Variants in DNMBP observed in about 807,000 individuals in gnomAD.
The protein encoded by DNMBP is dynamin binding protein.
In DNMBP, 87 loss-of-function variants were observed where a neutral mutation model predicts 150.0. The observed-to-expected ratio is 0.58, with a 90% CI of 0.49 to 0.69. The LOEUF is 0.69. Among genes scored for constraint, DNMBP ranks in the 30% least tolerant of loss-of-function variants. The pLI, the probability that DNMBP is intolerant of heterozygous loss-of-function variation, is 0.00. For synonymous variants in DNMBP, 711 were observed against 750.4 expected, an observed-to-expected ratio of 0.95 and a Z score of 0.86; for missense variants, 1,774 against 1,949.0, an observed-to-expected ratio of 0.91 and a Z score of 1.69.
intron 4 of DNMBP, among the ~76,000 whole-genome samples, chr10:99,954,969 C>G (rs2040466918): frequency 6.6e-6 from 1 of 150,852 alleles, no homozygotes; most frequent in South Asian, 2.1e-4. Flanking sequence ...AGGAGAATCA[C>G]TTGAGCCCAG....
intron 4 of DNMBP, among the ~76,000 whole-genome samples, chr10:99,923,809 TC>T: frequency 6.6e-6 from 1 of 152,306 alleles, no homozygotes; most frequent in African/African-American, 2.4e-5. Context: ...TCTTTAAGTT[TC>T]AGCCAAGTTC....
intron 13 of DNMBP, 44 bp downstream of exon 13, chr10:99,886,256 A>T: frequency 6.6e-7 from 1 of 1,505,074 alleles, no homozygotes; most frequent in Non-Finnish European, 9.1e-7. Context: ...AATACCAGGC[A>T]AAGGCTATAG....
intron 4 of DNMBP, among the ~76,000 whole-genome samples, chr10:99,936,627 A>G (rs930137073): frequency 6.7e-6 from 1 of 149,944 alleles, no homozygotes; most frequent in African/African-American, 2.5e-5. Flanking sequence ...ATTTTCCCTC[A>G]CAACTTATTT....
intron 1 of DNMBP, among the ~76,000 whole-genome samples, chr10:99,989,216 G>A (rs1230279229): frequency 1.3e-5 from 2 of 152,226 alleles, no homozygotes; most frequent in Admixed American, 6.5e-5. Flanking sequence ...ATCATGCAGT[G>A]CCTCCCACTA....
At chr10:99,994,378 G>A (rs946297739) in intron 1 of DNMBP, among the ~76,000 whole-genome samples, 3 of 152,194 alleles carry the variant, frequency 2.0e-5, no homozygotes, top group Admixed American at 1.3e-4. Context: ...TCAGCAATGA[G>A]AACAGTGATG....
intron 1 of DNMBP, among the ~76,000 whole-genome samples, chr10:99,986,673 G>C (rs149385719): frequency 6.8e-6 from 1 of 147,756 alleles, no homozygotes; most frequent in Non-Finnish European, 1.5e-5. Context: ...GAAGAAAACG[G>C]ACAACAAACG....
At chr10:99,905,397 G>C (rs1372576126) in intron 6 of DNMBP, among the ~76,000 whole-genome samples, 1 of 152,138 alleles carries the variant, frequency 6.6e-6, no homozygotes, top group Non-Finnish European at 1.5e-5. Flanking sequence ...ATGTGACCTG[G>C]GCAAATTACC....
intron 4 of DNMBP, among the ~76,000 whole-genome samples, chr10:99,943,456 G>A (rs1193301338): frequency 6.6e-6 from 1 of 152,034 alleles, no homozygotes; most frequent in Non-Finnish European, 1.5e-5. Context: ...AGTGTGGAGT[G>A]CAATGATATG....
chr10:99,888,105 G>A (rs1293939962), intron 12 of DNMBP, among the ~76,000 whole-genome samples: 2 of 152,208 alleles, frequency 1.3e-5, no homozygotes, highest in South Asian at 2.1e-4. Context: ...TTAGAGGCGT[G>A]AGCCACCATG....
intron 1 of DNMBP, among the ~76,000 whole-genome samples, chr10:99,974,243 T>C (rs997443199): frequency 6.6e-6 from 1 of 152,230 alleles, no homozygotes; most frequent in Non-Finnish European, 1.5e-5. Flanking sequence ...ATGTTTTTGG[T>C]TCACAGAAGT....
intron 1 of DNMBP, among the ~76,000 whole-genome samples, chr10:99,986,550 G>A (rs1050719986): frequency 6.5e-5 from 9 of 138,240 alleles, no homozygotes; most frequent in Admixed American, 3.1e-4. Flanking sequence ...AGCTGAGATC[G>A]TGCCACTGTA....
chr10:99,894,414 T>A (rs1465197956), intron 11 of DNMBP, among the ~76,000 whole-genome samples: 1 of 152,210 alleles, frequency 6.6e-6, no homozygotes, highest in Non-Finnish European at 1.5e-5. Flanking sequence ...AGGAAAGACC[T>A]AGGCTCACCT....
intron 1 of DNMBP, among the ~76,000 whole-genome samples, chr10:99,979,059 A>C (rs2040757218): frequency 6.6e-6 from 1 of 152,190 alleles, no homozygotes. Context: ...GAGAATTTAC[A>C]GGTCCTCCTA....
chr10:99,982,964 A>C (rs2040794468), intron 1 of DNMBP, among the ~76,000 whole-genome samples: 2 of 145,520 alleles, frequency 1.4e-5, no homozygotes, highest in Admixed American at 7.0e-5. Flanking sequence ...AGACCCTGCC[A>C]AAAAAAAAAA....
At chr10:99,975,876 G>C (rs2040723509) in intron 1 of DNMBP, among the ~76,000 whole-genome samples, 1 of 152,170 alleles carries the variant, frequency 6.6e-6, no homozygotes, top group African/African-American at 2.4e-5. Context: ...AGTTATAACA[G>C]TGCCTAACAT....
intron 4 of DNMBP, among the ~76,000 whole-genome samples, chr10:99,946,385 C>G (rs1331670249): frequency 6.6e-6 from 1 of 152,228 alleles, no homozygotes; most frequent in Non-Finnish European, 1.5e-5. Flanking sequence ...GCAACTAATG[C>G]TCTGTGTATT....
chr10:99,942,763 C>T (rs1003126319), intron 4 of DNMBP, among the ~76,000 whole-genome samples: 1 of 152,146 alleles, frequency 6.6e-6, no homozygotes, highest in Non-Finnish European at 1.5e-5. Flanking sequence ...AAATCAGAAA[C>T]TAGTTTCTCT....
At chr10:99,908,638 A>G (rs1156935127) in intron 5 of DNMBP, among the ~76,000 whole-genome samples, 2 of 152,198 alleles carry the variant, frequency 1.3e-5, no homozygotes, top group African/African-American at 4.8e-5. Flanking sequence ...GTTTTGTTAC[A>G]TCATCACTCA....
Position 99,876,172 on chromosome 10 carries a change from A to C in DNMBP, c.*979T>G, listed in dbSNP as rs1169333594. ...AAAGCAGAACTAATACTTTTAATGG[A>C]ATGGCTGGAGCTCTCATACTGTTAC... On this transcript the variant is annotated 3_prime_UTR_variant, in exon 17 of 17. Coordinates refer to ENST00000324109, the MANE Select transcript of DNMBP (RefSeq NM_015221.4). The C allele has an allele frequency of 6.6e-6, 1 of 152,178 alleles. No individual in the cohort carries two copies. Among genetic ancestry groups the C allele is most frequent in the Non-Finnish European group, 1.5e-5 (1 of 68,038 alleles). 9.4% of individuals were successfully genotyped at this position (152,178 alleles called of 1,614,324 possible). A position where few individuals can be genotyped will look rare whatever the true frequency, so the allele number is the denominator to read the frequency against.
Sources: allele counts gnomAD v4.1 joint callset (sites outside exome capture counted in the v4.1 genomes callset), GRCh38; gene constraint gnomAD v4.1.1; transcripts MANE v1.5; gene names NCBI Gene and HGNC (gene_info 2026-07-23, HGNC 2026-07-21).